The following ABCC8 variants were observed in gnomAD, a reference collection of about 807,000 sequenced individuals.
ABCC8 encodes the protein ATP binding cassette subfamily C member 8.
Under a neutral mutation model 188.0 loss-of-function variants are expected in ABCC8, and 137 were observed. That is an observed-to-expected ratio of 0.73 (90% confidence interval 0.63 to 0.84). The LOEUF (loss-of-function observed/expected upper bound fraction) is 0.84. Among genes scored for constraint, ABCC8 ranks in the 40% least tolerant of loss-of-function variants. The pLI is 0.00. For missense variants in ABCC8, 1,750 were observed against 2,072.7 expected (o/e 0.84, Z 3.02); for synonymous variants, 797 against 846.5 (o/e 0.94, Z 1.01).
chr11:17,393,047 T>C lies in ABCC8; in HGVS notation c.4690A>G (p.Lys1564Glu), dbSNP rs770317560. The change falls in exon 39 of 39, where the codon AAG becomes GAG. Residue 1564 changes from lysine to glutamate, a missense_variant. Lys to Glu is a moderately conservative substitution (Grantham distance 56). Coordinates refer to ENST00000389817, the MANE Select transcript of ABCC8 (RefSeq NM_000352.6). ...ACGCTGTCCTTCCGGCTGAGCAGCT[T>C]CTCTGGCTTATCGAACTCAAGGATG... ...GAILEFDKPE[K>E]LLSRKDSVFA... The C allele has an allele frequency of 4.6e-5, 75 of 1,614,068 alleles. 1 individual carries two copies. In the Admixed American group the frequency reaches 1.2e-3, roughly 27 times the overall value.
intron 8 of ABCC8, among the ~76,000 whole-genome samples, chr11:17,446,379 C>T (rs143277564): frequency 6.6e-6 from 1 of 152,248 alleles, no homozygotes; most frequent in East Asian, 1.9e-4. Context: ...CTGCATCAGA[C>T]CCTCACAGCC....
At position 17,432,223 on chromosome 11, in the gene ABCC8, G is replaced by C. The variant is rs1955881024; in HGVS notation, c.1652C>G (p.Pro551Arg). 1 of 1,552,762 alleles carries C rather than the reference G, an allele frequency of 6.4e-7. No individual in the cohort carries two copies. The highest frequency in any genetic ancestry group is 1.4e-5 in the African/African-American group (1 of 73,130). The change falls in exon 11 of 39, where the codon CCC becomes CGC. Residue 551 changes from proline (P) to arginine (R), a missense_variant. By Grantham distance (103) the Pro-to-Arg change is moderately radical (BLOSUM62 -2). Coordinates refer to ENST00000389817, the MANE Select transcript of ABCC8 (RefSeq NM_000352.6). ...SISIFMNTAI[P>R]IAAVLITFVG... ...ACTTACTATGAGGACAGCTGCAATG[G>C]GGATGGCCGTGTTCATGAAAACTGC...
intron 6 of ABCC8, among the ~76,000 whole-genome samples, chr11:17,459,765 A>T (rs1251947555): frequency 6.6e-6 from 1 of 152,200 alleles, no homozygotes; most frequent in Non-Finnish European, 1.5e-5. Flanking sequence ...CAGCCCCCGA[A>T]GTGGATGCTA....
chr11:17,394,417 A>G lies in ABCC8; in HGVS notation c.4412-18T>C, dbSNP rs1465443455. ...GATGGCATCTGAAAACAGCCCGGGG[A>G]GATGAAGTAGGACTGAGTTAATCTT... On this transcript the variant is annotated intron_variant, in intron 36 of 38. Coordinates refer to ENST00000389817, the MANE Select transcript of ABCC8 (RefSeq NM_000352.6). 3.1e-6 allele frequency: 5 copies of G among 1,614,034 alleles called. No homozygotes were observed. In the Admixed American group the frequency reaches 8.3e-5, roughly 27 times the overall value.
At chr11:17,469,246 C>A (rs985279635) in intron 3 of ABCC8, among the ~76,000 whole-genome samples, 3 of 152,060 alleles carry the variant, frequency 2.0e-5, no homozygotes, top group Non-Finnish European at 4.4e-5. Context: ...TGCGTGCCAC[C>A]ATGCCCAGCT....
intron 8 of ABCC8, among the ~76,000 whole-genome samples, chr11:17,446,041 CCA>C (rs1165959718): frequency 6.6e-6 from 1 of 151,608 alleles, no homozygotes; most frequent in African/African-American, 2.4e-5. Context: ...TCTCAGCTCA[CCA>C]CAGTCTCCGC....
intron 31 of ABCC8, 30 bp from the exon 32 acceptor site, chr11:17,397,343 C>T (rs572369436): frequency 1.2e-6 from 2 of 1,605,970 alleles, no homozygotes; most frequent in African/African-American, 2.7e-5. Context: ...GGCGCACACT[C>T]CATGGTCGCT....
In ABCC8 at chr11:17,407,125, C is replaced by T. The variant is rs1954581539; in HGVS notation, c.2925G>A (p.Glu975=). Residue 975 remains glutamate, a synonymous_variant, in exon 25 of 39, where the codon GAG becomes GAA. Coordinates refer to ENST00000389817, the MANE Select transcript of ABCC8 (RefSeq NM_000352.6). ...LLQDEEEEEE[E]AAESEEDDNL... is the part of the protein sequence containing the mutation. Reference sequence around the variant, plus strand: ...TGTCATCCTCCTCGCTCTCAGCTGCCTCCTCTGCAGGCCGCAAGAACCCAC... The same window carrying T: ...TGTCATCCTCCTCGCTCTCAGCTGCTTCCTCTGCAGGCCGCAAGAACCCAC... 1 of 1,611,630 alleles carries T rather than the reference C, an allele frequency of 6.2e-7. No individual in the cohort carries two copies. The highest frequency in any genetic ancestry group is 8.5e-7 in the Non-Finnish European group (1 of 1,179,578).
At chr11:17,418,309 T>A (rs1955178046) in intron 16 of ABCC8, among the ~76,000 whole-genome samples, 1 of 152,130 alleles carries the variant, frequency 6.6e-6, no homozygotes, top group African/African-American at 2.4e-5. Context: ...AGAACCAGGA[T>A]GGACGAAATC....
rs772541301 is a variant in ABCC8, at chr11:17,453,201, G to A, written c.1094C>T (p.Ala365Val). 12 of 1,614,038 alleles carry A rather than the reference G, an allele frequency of 7.4e-6. No homozygotes were observed. Among genetic ancestry groups the A allele is most frequent in the Non-Finnish European group, 1.0e-5 (12 of 1,180,020 alleles). Residue 365 changes from alanine (A) to valine (V), a missense_variant, in exon 7 of 39, where the codon GCC becomes GTC. By Grantham distance (64) the Ala-to-Val change is moderately conservative. Coordinates refer to ENST00000389817, the MANE Select transcript of ABCC8 (RefSeq NM_000352.6). Reference protein sequence around the residue: ...AYVLAVLLFLALLLQRTFLQA... With the variant: ...AYVLAVLLFLVLLLQRTFLQA... ...CAGAAATGTCCTTTGCAGTAGGAGG[G>A]CAAGGAACAGAAGCACAGCTAAGAC...
intron 10 of ABCC8, among the ~76,000 whole-genome samples, chr11:17,435,365 C>T (rs1452056807): frequency 1.3e-5 from 2 of 152,154 alleles, no homozygotes; most frequent in African/African-American, 4.8e-5. Flanking sequence ...GAGCCAAAAG[C>T]TGACCCTCAG....
chr11:17,432,486 G>A (rs1190557201), intron 10 of ABCC8: 28 of 756,346 alleles, frequency 3.7e-5, no homozygotes, highest in African/African-American at 5.3e-5. Context: ...AAGTCACTCC[G>A]TGTGGACAGG....
At chr11:17,458,929 T>C (rs530921170) in intron 6 of ABCC8, among the ~76,000 whole-genome samples, 48 of 152,332 alleles carry the variant, frequency 3.2e-4, no homozygotes, top group Non-Finnish European at 5.6e-4. Flanking sequence ...AGCATAAAAG[T>C]ATTTTATTTT....
intron 38 of ABCC8, 112 bp downstream of exon 38, chr11:17,393,585 C>T: frequency 6.5e-7 from 1 of 1,531,022 alleles, no homozygotes; most frequent in Non-Finnish European, 9.0e-7. Flanking sequence ...CTTCAGGGTT[C>T]TTTCTTGATT....
intron 17 of ABCC8, 57 bp downstream of exon 17, chr11:17,416,873 C>A: frequency 6.2e-7 from 1 of 1,600,770 alleles, no homozygotes; most frequent in Non-Finnish European, 8.6e-7. Context: ...TCCTCCACCC[C>A]CACCCTACCC....
chr11:17,430,547 G>GTTTTT, intron 12 of ABCC8: 1 of 432,506 alleles, frequency 2.3e-6, no homozygotes. Context: ...CTCAACACTG[G>GTTTTT]TTTTTTTTTT....
chr11:17,441,997 T>C (rs1053617198), intron 10 of ABCC8, among the ~76,000 whole-genome samples: 2 of 152,152 alleles, frequency 1.3e-5, no homozygotes, highest in South Asian at 2.1e-4. Context: ...GGAGAATCAC[T>C]TGAACCTGGG....
intron 12 of ABCC8, 139 bp downstream of exon 12, chr11:17,430,675 C>G (rs988000878): frequency 1.9e-6 from 2 of 1,062,940 alleles, no homozygotes; most frequent in Non-Finnish European, 2.9e-6. Flanking sequence ...TCTGACCAAC[C>G]AGGACCAGCT....
chr11:17,453,260 A>G lies in ABCC8; in HGVS notation c.1035T>C (p.Phe345=). The G allele has an allele frequency of 6.2e-7, 1 of 1,614,218 alleles. No homozygotes were observed. Among genetic ancestry groups the G allele is most frequent in the Non-Finnish European group, 8.5e-7 (1 of 1,180,038 alleles). The change falls in exon 7 of 39, where the codon TTT becomes TTC. Residue 345 remains phenylalanine (F), a synonymous_variant. Coordinates refer to ENST00000389817, the MANE Select transcript of ABCC8 (RefSeq NM_000352.6). The part of the protein sequence containing the change: ...QPKTQFLGVY[F]VSSQEFLANA... ...TGGCAAGGAACTCTTGGGATGAGAC[A>G]AAGTAAACCCCGAGAAATTGTGTCT...
Sources: gnomAD v4.1 joint callset for allele counts (sites outside exome capture counted in the v4.1 genomes callset) on GRCh38, gnomAD v4.1.1 for gene constraint, MANE v1.5 for transcripts, NCBI Gene and HGNC (gene_info 2026-07-23, HGNC 2026-07-21) for gene names.